The following MAST4 variants were observed in gnomAD, a reference collection of about 807,000 sequenced individuals.
MAST4 encodes microtubule-associated serine/threonine-protein kinase 4.
In MAST4, 89 loss-of-function variants were observed where a neutral mutation model predicts 162.7. The observed-to-expected ratio is 0.55, with a 90% CI of 0.46 to 0.65. The LOEUF (loss-of-function observed/expected upper bound fraction) is 0.65, where lower values mean the gene tolerates loss of function less well. MAST4 is among the 30% of genes least tolerant of loss of function. MAST4 has a pLI of 0.00. For synonymous variants in MAST4, 1,479 were observed against 1,361.1 expected (o/e 1.09, Z -1.91); for missense variants, 3,153 against 3,374.0 (o/e 0.93, Z 1.62).
At chr5:67,009,301 G>C (rs1050595585) in intron 4 of MAST4, among the ~76,000 whole-genome samples, 1 of 152,212 alleles carries the variant, frequency 6.6e-6, no homozygotes, top group Non-Finnish European at 1.5e-5. Context: ...CGAAAGTGAA[G>C]AACAGAGCCT....
chr5:66,905,640 A>G (rs901542611), intron 4 of MAST4, among the ~76,000 whole-genome samples: 3 of 152,186 alleles, frequency 2.0e-5, no homozygotes, highest in Non-Finnish European at 2.9e-5. Context: ...CATGTGCCCA[A>G]GGTGGTCAGG....
intron 3 of MAST4, among the ~76,000 whole-genome samples, chr5:66,839,212 T>C (rs1175493561): frequency 6.6e-6 from 1 of 152,150 alleles, no homozygotes; most frequent in African/African-American, 2.4e-5. Context: ...GAGATAAATG[T>C]GACTTGGATG....
At chr5:67,088,685 C>T (rs1204920817) in intron 5 of MAST4, among the ~76,000 whole-genome samples, 1 of 152,044 alleles carries the variant, frequency 6.6e-6, no homozygotes, top group Admixed American at 6.5e-5. Flanking sequence ...TTCATTTCTC[C>T]AGGGGCCCAA....
At chr5:67,080,154 A>G (rs904149754) in intron 5 of MAST4, among the ~76,000 whole-genome samples, 9 of 152,220 alleles carry the variant, frequency 5.9e-5, no homozygotes, top group African/African-American at 2.2e-4. Context: ...GTCACTGCCA[A>G]GATCACTTGA....
chr5:66,809,468 G>C (rs961905832), intron 3 of MAST4, among the ~76,000 whole-genome samples: 1 of 152,138 alleles, frequency 6.6e-6, no homozygotes, highest in Non-Finnish European at 1.5e-5. Flanking sequence ...TCCTGTTGTC[G>C]TGTTCCTTCC....
At chr5:66,922,157 CT>C (rs1764583004) in intron 4 of MAST4, among the ~76,000 whole-genome samples, 2 of 152,256 alleles carry the variant, frequency 1.3e-5, no homozygotes, top group Non-Finnish European at 1.5e-5. Context: ...AGATGCAGTT[CT>C]TTTGGAGTAT....
intron 1 of MAST4, among the ~76,000 whole-genome samples, chr5:66,663,512 T>C (rs1004344477): frequency 2.6e-5 from 4 of 152,168 alleles, no homozygotes; most frequent in Non-Finnish European, 5.9e-5. Context: ...CTTGAGATGA[T>C]AGCATTTGAA....
At chr5:67,041,438 T>C (rs537289346) in intron 4 of MAST4, among the ~76,000 whole-genome samples, 1 of 152,312 alleles carries the variant, frequency 6.6e-6, no homozygotes, top group South Asian at 2.1e-4. Flanking sequence ...AAAACGAATA[T>C]GCCTGAGAGA....
intron 1 of MAST4, among the ~76,000 whole-genome samples, chr5:66,685,292 A>C (rs985602750): frequency 8.4e-6 from 1 of 118,564 alleles, no homozygotes; most frequent in African/African-American, 3.4e-5. Context: ...AAAACAAAAC[A>C]AAACAAAACA....
At chr5:67,080,677 C>G (rs2150735970) in intron 5 of MAST4, among the ~76,000 whole-genome samples, 1 of 151,954 alleles carries the variant, frequency 6.6e-6, no homozygotes, top group Non-Finnish European at 1.5e-5. Flanking sequence ...AGTTTTGCTT[C>G]TGATAATCAG....
At chr5:66,970,778 C>T (rs1345602671) in intron 4 of MAST4, among the ~76,000 whole-genome samples, 1 of 152,232 alleles carries the variant, frequency 6.6e-6, no homozygotes, top group African/African-American at 2.4e-5. Flanking sequence ...TATGTTAACT[C>T]ACACAGTTTT....
At chr5:66,876,787 CAG>C (rs1431773957) in intron 3 of MAST4, among the ~76,000 whole-genome samples, 2 of 152,176 alleles carry the variant, frequency 1.3e-5, no homozygotes, top group East Asian at 1.9e-4. Flanking sequence ...GACAGAAAGT[CAG>C]AGGTTTTGTG....
intron 5 of MAST4, among the ~76,000 whole-genome samples, chr5:67,055,894 G>A (rs1758745864): frequency 6.6e-6 from 1 of 151,894 alleles, no homozygotes; most frequent in African/African-American, 2.4e-5. Context: ...GATTTGCGTG[G>A]ATGAAACTCA....
chr5:66,853,809 A>G lies in MAST4; in HGVS notation c.643-46142A>G, dbSNP rs1052119671. On this transcript the variant is annotated intron_variant, in intron 3 of 28. Transcript: ENST00000403625. ...GAAATCAGAATTCTTTTCTAAATAT[A>G]TAACTTATGTTTTAAACAGATTGAA... Among the ~76,000 whole-genome samples the G allele has an allele frequency of 3.3e-5, 5 of 152,222 alleles. No homozygotes were observed. The South Asian group carries it at 6.2e-4, about 19-fold the overall frequency.
intron 1 of MAST4, among the ~76,000 whole-genome samples, chr5:66,635,823 T>G (rs1432109340): frequency 6.6e-6 from 1 of 151,684 alleles, no homozygotes. Context: ...TCCCTGAAAT[T>G]GTATGCAAAG....
intron 1 of MAST4, among the ~76,000 whole-genome samples, chr5:66,666,878 A>T (rs1243324702): frequency 6.6e-6 from 1 of 152,248 alleles, no homozygotes; most frequent in African/African-American, 2.4e-5. Context: ...CAGGTTGCCT[A>T]TAATGAAGTG....
At chr5:66,869,113 A>G (rs1329863508) in intron 3 of MAST4, among the ~76,000 whole-genome samples, 1 of 152,198 alleles carries the variant, frequency 6.6e-6, no homozygotes, top group Non-Finnish European at 1.5e-5. Context: ...AGTTGTAATC[A>G]TTCCATAGGG....
At chr5:67,002,810 A>G (rs943872645) in intron 4 of MAST4, among the ~76,000 whole-genome samples, 3 of 151,704 alleles carry the variant, frequency 2.0e-5, no homozygotes, top group African/African-American at 7.3e-5. Flanking sequence ...TCAGACCCAA[A>G]ATTTTTGCTC....
intron 3 of MAST4, among the ~76,000 whole-genome samples, chr5:66,854,468 G>A (rs1326778155): frequency 6.6e-6 from 1 of 152,096 alleles, no homozygotes; most frequent in Non-Finnish European, 1.5e-5. Context: ...TAATATCAAG[G>A]TATCGGCTGG....
Sources: gnomAD v4.1 joint callset for allele counts (sites outside exome capture counted in the v4.1 genomes callset) on GRCh38, gnomAD v4.1.1 for gene constraint, MANE v1.5 for transcripts, NCBI Gene and HGNC (gene_info 2026-07-23, HGNC 2026-07-21) for gene names.